Variants in SOX5 observed in about 807,000 individuals in gnomAD.
SOX5 encodes SRY-box transcription factor 5.
A neutral mutation model predicts 92.0 loss-of-function variants in SOX5; 9 were observed. The observed-to-expected ratio is 0.10, with a 90% confidence interval of 0.06 to 0.17. The LOEUF (loss-of-function observed/expected upper bound fraction) is 0.17. SOX5 is among the 10% of genes least tolerant of loss of function. The pLI is 1.00. For missense variants in SOX5, 642 were observed against 944.5 expected (o/e 0.68, Z 4.20); for synonymous variants, 344 against 336.3 (o/e 1.02, Z -0.25).
intron 4 of SOX5, among the ~76,000 whole-genome samples, chr12:24,123,816 T>G (rs182022934): frequency 6.6e-6 from 1 of 152,286 alleles, no homozygotes; most frequent in East Asian, 1.9e-4. Flanking sequence ...CACTGACATA[T>G]AGGATATGAA....
chr12:24,210,079 T>TCTA (rs1306054805), intron 4 of SOX5, among the ~76,000 whole-genome samples: 1 of 145,360 alleles, frequency 6.9e-6, no homozygotes, highest in East Asian at 2.1e-4. Flanking sequence ...ATCAATAATA[T>TCTA]CTACTTTAAC....
At chr12:23,540,095 TAAA>T (rs5797022) in intron 13 of SOX5, among the ~76,000 whole-genome samples, 8 of 139,558 alleles carry the variant, frequency 5.7e-5, no homozygotes, top group Middle Eastern at 3.7e-3. Context: ...TAAACAACAA[TAAA>T]AAAAAAAAAA....
At chr12:24,318,036 C>A in intron 2 of SOX5, among the ~76,000 whole-genome samples, 1 of 151,970 alleles carries the variant, frequency 6.6e-6, no homozygotes, top group South Asian at 2.1e-4. Flanking sequence ...CATGGTGAAA[C>A]CCCATCTCTA....
At chr12:23,921,779 C>T (rs1271256283) in intron 1 of SOX5, among the ~76,000 whole-genome samples, 4 of 152,218 alleles carry the variant, frequency 2.6e-5, no homozygotes, top group Non-Finnish European at 4.4e-5. Flanking sequence ...AGAGATGTTG[C>T]CATTTTCGCT....
chr12:23,544,387 G>A lies in SOX5; in HGVS notation c.1598-1003C>T, dbSNP rs1426936996. Among the ~76,000 whole-genome samples the A allele has an allele frequency of 3.3e-5, 5 of 152,214 alleles. No individual in the cohort carries two copies. The South Asian group carries it at 1.0e-3, about 31-fold the overall frequency. On this transcript the variant is annotated intron_variant, in intron 12 of 14. Transcript: ENST00000451604. ...TTCACTGGGTATTATCACAAAATAA[G>A]TAGATGTATTTTGATAGTATCCAAA...
At chr12:24,528,731 A>T (rs1051065896) in intron 1 of SOX5, among the ~76,000 whole-genome samples, 1 of 152,196 alleles carries the variant, frequency 6.6e-6, no homozygotes, top group African/African-American at 2.4e-5. Context: ...TGAAAATCTC[A>T]TCCAGCATCC....
chr12:24,123,859 AC>A (rs1318357973), intron 4 of SOX5, among the ~76,000 whole-genome samples: 1 of 152,178 alleles, frequency 6.6e-6, no homozygotes, highest in Non-Finnish European at 1.5e-5. Context: ...TGTATTGAGC[AC>A]CAGGGTTGAG....
intron 2 of SOX5, among the ~76,000 whole-genome samples, chr12:23,859,090 G>C (rs543902127): frequency 5.9e-5 from 9 of 152,088 alleles, no homozygotes; most frequent in Non-Finnish European, 1.3e-4. Flanking sequence ...ATGTGTGTTT[G>C]AACAATATGA....
chr12:23,596,650 G>T (rs1220020244), intron 9 of SOX5, among the ~76,000 whole-genome samples: 2 of 152,062 alleles, frequency 1.3e-5, no homozygotes, highest in East Asian at 3.9e-4. Flanking sequence ...AAAAATAAAA[G>T]ATTTCAACTG....
At chr12:24,293,587 A>T (rs998833081) in intron 2 of SOX5, among the ~76,000 whole-genome samples, 3 of 144,466 alleles carry the variant, frequency 2.1e-5, no homozygotes, top group Admixed American at 6.7e-5. Context: ...TGCAGTTTAT[A>T]AAAAAAAAGG....
At chr12:24,100,665 C>T (rs1029586588) in intron 4 of SOX5, among the ~76,000 whole-genome samples, 2 of 152,096 alleles carry the variant, frequency 1.3e-5, no homozygotes, top group African/African-American at 2.4e-5. Context: ...TTCCACTGAT[C>T]TCTGGATTCT....
Position 23,533,649 on chromosome 12 carries a change from A to C in SOX5, c.*570T>G, listed in dbSNP as rs1939561025. 1 of 152,848 alleles carries C rather than the reference A, an allele frequency of 6.5e-6. No individual in the cohort carries two copies. Among genetic ancestry groups the C allele is most frequent in the Non-Finnish European group, 1.5e-5 (1 of 68,404 alleles). The allele number at this position is 152,848 out of a possible 1,614,324, so 9.5% of individuals were successfully genotyped here. A position where few individuals can be genotyped will look rare whatever the true frequency, so the allele number is the denominator to read the frequency against. Reference sequence around the variant, plus strand: ...GCACAGACTTCCATCTTTAAAGTAGAGAGATGGAGAAGGTGGAGAGAAGTA... The same window carrying C: ...GCACAGACTTCCATCTTTAAAGTAGCGAGATGGAGAAGGTGGAGAGAAGTA... On this transcript the variant is annotated 3_prime_UTR_variant, in exon 15 of 15. Transcript: ENST00000451604.
chr12:24,151,832 G>A (rs1951685459), intron 4 of SOX5, among the ~76,000 whole-genome samples: 1 of 151,978 alleles, frequency 6.6e-6, no homozygotes, highest in African/African-American at 2.4e-5. Context: ...TCTCTTGAAA[G>A]TGAGTTCATA....
chr12:24,232,895 C>T (rs1345289174), intron 3 of SOX5, among the ~76,000 whole-genome samples: 1 of 152,132 alleles, frequency 6.6e-6, no homozygotes, highest in Non-Finnish European at 1.5e-5. Flanking sequence ...ATGCTATGCC[C>T]ACCCTTCCAC....
At chr12:24,405,830 T>C (rs1405039329) in intron 1 of SOX5, among the ~76,000 whole-genome samples, 1 of 152,102 alleles carries the variant, frequency 6.6e-6, no homozygotes, top group South Asian at 2.1e-4. Flanking sequence ...CTAAAAGTTA[T>C]AAAGGATCAA....
intron 3 of SOX5, among the ~76,000 whole-genome samples, chr12:23,805,104 T>C (rs755870239): frequency 1.3e-5 from 2 of 151,414 alleles, no homozygotes; most frequent in Non-Finnish European, 3.0e-5. Context: ...AAGGAATGAA[T>C]GAACTCATTC....
At chr12:23,847,708 A>C (rs1394804396) in intron 2 of SOX5, among the ~76,000 whole-genome samples, 5 of 152,094 alleles carry the variant, frequency 3.3e-5, no homozygotes, top group African/African-American at 1.2e-4. Flanking sequence ...CTTCCAAATT[A>C]TAATTCTAAA....
intron 1 of SOX5, among the ~76,000 whole-genome samples, chr12:23,948,629 T>G (rs1304041539): frequency 1.3e-5 from 2 of 151,562 alleles, no homozygotes; most frequent in Non-Finnish European, 2.9e-5. Context: ...CCATACAGAA[T>G]ACAAAGTTTG....
At chr12:24,310,027 T>A (rs1007872768) in intron 2 of SOX5, among the ~76,000 whole-genome samples, 2 of 152,194 alleles carry the variant, frequency 1.3e-5, no homozygotes, top group Non-Finnish European at 2.9e-5. Flanking sequence ...CTCGAACTTT[T>A]CAGCTTGGAG....
Sources: allele counts gnomAD v4.1 joint callset (sites outside exome capture counted in the v4.1 genomes callset), GRCh38; gene constraint gnomAD v4.1.1; transcripts MANE v1.5; gene names NCBI Gene and HGNC (gene_info 2026-07-23, HGNC 2026-07-21).